Variants in ASIC2 observed in about 807,000 individuals in gnomAD.
ASIC2 encodes the protein acid-sensing ion channel 2.
ASIC2 carries 25 observed loss-of-function variants against 57.3 expected under a neutral mutation model. That is an observed-to-expected ratio of 0.44 (90% confidence interval 0.32 to 0.61). The LOEUF (loss-of-function observed/expected upper bound fraction) is 0.61. Among genes scored for constraint, ASIC2 ranks in the 20% least tolerant of loss-of-function variants. ASIC2 has a pLI of 0.06. For synonymous variants in ASIC2, 319 were observed against 307.5 expected, an observed-to-expected ratio of 1.04 and a Z score of -0.39; for missense variants, 641 against 738.1, an observed-to-expected ratio of 0.87 and a Z score of 1.52.
At chr17:33,283,911 G>A (rs796526920) in intron 1 of ASIC2, among the ~76,000 whole-genome samples, 39 of 152,322 alleles carry the variant, frequency 2.6e-4, no homozygotes, top group African/African-American at 8.9e-4. Flanking sequence ...GATGCAGTGC[G>A]TTGACTTTGG....
At chr17:33,565,919 A>C (rs892354280) in intron 1 of ASIC2, 30 of 152,328 alleles carry the variant, frequency 2.0e-4, no homozygotes, top group African/African-American at 6.5e-4. Flanking sequence ...CCCTGACAGC[A>C]TGGTGAGTGT....
intron 1 of ASIC2, chr17:33,931,526 T>C (rs1449815663): frequency 1.3e-5 from 2 of 152,166 alleles, no homozygotes; most frequent in African/African-American, 4.8e-5. Context: ...CATAAGACAA[T>C]ATGAGGGGTG....
intron 1 of ASIC2, among the ~76,000 whole-genome samples, chr17:33,521,641 G>A (rs1016597888): frequency 8.5e-5 from 13 of 152,170 alleles, no homozygotes; most frequent in Admixed American, 7.2e-4. Flanking sequence ...AGAGCTGGAG[G>A]GACTGTTGAG....
At chr17:33,345,111 G>A (rs1907892147) in intron 1 of ASIC2, among the ~76,000 whole-genome samples, 1 of 152,192 alleles carries the variant, frequency 6.6e-6, no homozygotes, top group African/African-American at 2.4e-5. Context: ...GTGCAGATAA[G>A]GCTCATTTGT....
chr17:34,020,857 GA>G (rs2142028594), intron 1 of ASIC2, among the ~76,000 whole-genome samples: 1 of 152,268 alleles, frequency 6.6e-6, no homozygotes, highest in East Asian at 1.9e-4. Flanking sequence ...CTGACCTACA[GA>G]AACTGAGATA....
intron 1 of ASIC2, among the ~76,000 whole-genome samples, chr17:33,276,712 A>G (rs1392497056): frequency 6.6e-6 from 1 of 152,230 alleles, no homozygotes. Context: ...AGACAAAGGA[A>G]AGAGTTAACT....
rs570146309 is a variant in ASIC2, at chr17:33,485,727, A to G, written c.556-373660T>C. Among the ~76,000 whole-genome samples, 45 of 152,240 alleles carry G rather than the reference A, an allele frequency of 3.0e-4. No homozygotes were observed. In the South Asian group the frequency reaches 9.3e-3, roughly 32 times the overall value. On this transcript the variant is annotated intron_variant, in intron 1 of 9. Transcript: ENST00000359872. ...CAAGGAACTTGCTTCAATCTGGGAG[A>G]CAGATTAAGTACAAGAGAACTCAGG... is the stretch of plus-strand genomic sequence containing the variant.
In ASIC2 at chr17:33,443,500, G is replaced by A. The variant is rs373223187; in HGVS notation, c.556-331433C>T. Among the ~76,000 whole-genome samples, 11 of 133,512 alleles carry A rather than the reference G, an allele frequency of 8.2e-5. 1 individual carries two copies. In the Middle Eastern group the frequency reaches 0.013, roughly 157 times the overall value. The allele number at this position is 133,512 out of a possible 152,430, so 87.6% of individuals were successfully genotyped here. Reference sequence around the variant, plus strand: ...GGGATCTCGGCTCACTGCAAGCTCCGCCTCCCGGGTTAACGCCATTCTCCT... The same window carrying A: ...GGGATCTCGGCTCACTGCAAGCTCCACCTCCCGGGTTAACGCCATTCTCCT... On this transcript the variant is annotated intron_variant, in intron 1 of 9. Transcript: ENST00000359872.
rs1374875869 is a variant in ASIC2 at position 33,609,620 on chromosome 17, A to AT, written c.556-497554dup. ...ATTCCCTCCCTCTTATTCTTCACTG[A>AT]TTTTATCATAGCTTGGAGTTAAGAT... is the stretch of plus-strand genomic sequence containing the variant. On this transcript the variant is annotated intron_variant, in intron 1 of 9. Transcript: ENST00000359872. Among the ~76,000 whole-genome samples the AT allele has an allele frequency of 2.0e-5, 3 of 152,074 alleles. No individual in the cohort carries two copies. The South Asian group carries it at 6.2e-4, about 32-fold the overall frequency.
At chr17:33,033,189 T>C (rs2091892639) in intron 3 of ASIC2, among the ~76,000 whole-genome samples, 1 of 152,170 alleles carries the variant, frequency 6.6e-6, no homozygotes, top group Admixed American at 6.5e-5. Flanking sequence ...ACCCTGACCC[T>C]TCTGAGTTAA....
intron 1 of ASIC2, among the ~76,000 whole-genome samples, chr17:33,877,616 C>T (rs965066304): frequency 1.5e-4 from 23 of 152,342 alleles, no homozygotes; most frequent in African/African-American, 3.6e-4. Context: ...CCGGGAAGCT[C>T]GAACTGGGTG....
intron 1 of ASIC2, chr17:33,112,813 C>G (rs1420315588): frequency 6.6e-6 from 1 of 152,228 alleles, no homozygotes; most frequent in African/African-American, 2.4e-5. Flanking sequence ...AGCCCATCCT[C>G]TAAGGTAACT....
chr17:33,388,649 G>A (rs1047627058), intron 1 of ASIC2, among the ~76,000 whole-genome samples: 1 of 152,226 alleles, frequency 6.6e-6, no homozygotes, highest in African/African-American at 2.4e-5. Context: ...ATTTGGTCCA[G>A]ACCTGCCTCT....
chr17:33,966,407 A>C (rs1905075735), intron 1 of ASIC2, among the ~76,000 whole-genome samples: 1 of 152,226 alleles, frequency 6.6e-6, no homozygotes, highest in Non-Finnish European at 1.5e-5. Flanking sequence ...TCCATGGAGA[A>C]TCCTATGAGG....
intron 1 of ASIC2, chr17:34,155,926 G>T: frequency 6.5e-7 from 1 of 1,540,660 alleles, no homozygotes; most frequent in South Asian, 1.3e-5. Context: ...GACCACCGGC[G>T]CACCACTTCT....
chr17:33,392,587 C>A (rs1026007017), intron 1 of ASIC2, among the ~76,000 whole-genome samples: 6 of 152,024 alleles, frequency 3.9e-5, no homozygotes, highest in African/African-American at 1.4e-4. Flanking sequence ...CATCAGTATG[C>A]ATCTCCTCCC....
chr17:33,796,413 G>A (rs1414426483), intron 1 of ASIC2, among the ~76,000 whole-genome samples: 2 of 152,124 alleles, frequency 1.3e-5, no homozygotes, highest in African/African-American at 4.8e-5. Flanking sequence ...AACTTCCAAG[G>A]ATTTTGTTGG....
chr17:33,881,511 A>G (rs1353234664), intron 1 of ASIC2, among the ~76,000 whole-genome samples: 6 of 152,230 alleles, frequency 3.9e-5, no homozygotes, highest in African/African-American at 1.4e-4. Context: ...CCCACTCACA[A>G]TTGCTTCAAA....
At chr17:33,219,330 TCTTA>T (rs1444616145) in intron 1 of ASIC2, among the ~76,000 whole-genome samples, 3 of 152,224 alleles carry the variant, frequency 2.0e-5, no homozygotes, top group Admixed American at 6.5e-5. Context: ...TTACTTCATA[TCTTA>T]CTTCAGTTAA....
Sources: allele counts gnomAD v4.1 joint callset (sites outside exome capture counted in the v4.1 genomes callset), GRCh38; gene constraint gnomAD v4.1.1; transcripts MANE v1.5; gene names NCBI Gene and HGNC (gene_info 2026-07-23, HGNC 2026-07-21).